ARHGEF3: variants seen among roughly 807,000 people sequenced by gnomAD.
ARHGEF3 encodes Rho guanine nucleotide exchange factor 3.
ARHGEF3 carries 28 observed loss-of-function variants against 63.2 expected under a neutral mutation model. That is an observed-to-expected ratio of 0.44 (90% CI 0.33 to 0.61). The LOEUF (loss-of-function observed/expected upper bound fraction) is 0.61. ARHGEF3 is among the 20% of genes least tolerant of loss of function. ARHGEF3 has a pLI of 0.03. For synonymous variants in ARHGEF3, 266 were observed against 254.2 expected, an observed-to-expected ratio of 1.05 and a Z score of -0.44; for missense variants, 533 against 659.3, an observed-to-expected ratio of 0.81 and a Z score of 2.10.
intron 1 of ARHGEF3, among the ~76,000 whole-genome samples, chr3:57,042,063 C>T (rs1044445859): frequency 1.3e-5 from 2 of 152,170 alleles, no homozygotes; most frequent in African/African-American, 2.4e-5. Flanking sequence ...GACACAGCAG[C>T]GCACCTGGGC....
At chr3:56,778,976 T>C (rs1434646365) in intron 1 of ARHGEF3, among the ~76,000 whole-genome samples, 1 of 152,170 alleles carries the variant, frequency 6.6e-6, no homozygotes, top group Non-Finnish European at 1.5e-5. Context: ...AGTCATGTCC[T>C]GGTCAGTGGT....
intron 4 of ARHGEF3, among the ~76,000 whole-genome samples, chr3:56,827,944 CAAAAAA>C (rs11462683): frequency 1.2e-4 from 4 of 33,818 alleles, no homozygotes; most frequent in East Asian, 1.4e-3. Context: ...GATTCTGTCT[CAAAAAA>C]AAAAAAAAAA....
intron 3 of ARHGEF3, among the ~76,000 whole-genome samples, chr3:56,882,803 C>T (rs2040814641): frequency 6.6e-6 from 1 of 152,146 alleles, no homozygotes; most frequent in African/African-American, 2.4e-5. Flanking sequence ...AGGCATGAGC[C>T]ACTGCGCCCA....
chr3:56,799,870 A>C (rs1018850678), intron 1 of ARHGEF3, among the ~76,000 whole-genome samples: 1 of 152,244 alleles, frequency 6.6e-6, no homozygotes, highest in Admixed American at 6.5e-5. Flanking sequence ...ACACTAAAAA[A>C]CAAAAACCCC....
At chr3:56,868,604 C>T (rs1263400949) in intron 4 of ARHGEF3, among the ~76,000 whole-genome samples, 1 of 152,186 alleles carries the variant, frequency 6.6e-6, no homozygotes, top group Non-Finnish European at 1.5e-5. Flanking sequence ...CTCAGGTGAT[C>T]TGCCTGCCTC....
chr3:56,944,496 T>C (rs556131528), intron 3 of ARHGEF3, among the ~76,000 whole-genome samples: 1 of 151,186 alleles, frequency 6.6e-6, no homozygotes, highest in South Asian at 2.1e-4. Flanking sequence ...TGTGACTGAA[T>C]TGCTGCAGTC....
intron 4 of ARHGEF3, among the ~76,000 whole-genome samples, chr3:56,818,878 G>T (rs775656711): frequency 1.3e-5 from 2 of 152,052 alleles, no homozygotes; most frequent in Non-Finnish European, 2.9e-5. Flanking sequence ...AGGATAAAGT[G>T]CTCCCACAAG....
At chr3:56,748,815 CTG>C (rs2034559200) in intron 6 of ARHGEF3, among the ~76,000 whole-genome samples, 1 of 152,170 alleles carries the variant, frequency 6.6e-6, no homozygotes, top group South Asian at 2.1e-4. Flanking sequence ...AGCAACCACT[CTG>C]TTTAAGGTCT....
intron 2 of ARHGEF3, among the ~76,000 whole-genome samples, chr3:56,759,460 C>T (rs2035295848): frequency 1.3e-5 from 2 of 151,608 alleles, no homozygotes; most frequent in East Asian, 2.0e-4. Flanking sequence ...TGAGCCTCCG[C>T]GCCTGGCCGA....
At chr3:56,855,610 G>C (rs1386089281) in intron 4 of ARHGEF3, among the ~76,000 whole-genome samples, 1 of 151,928 alleles carries the variant, frequency 6.6e-6, no homozygotes, top group Non-Finnish European at 1.5e-5. Context: ...TTGAACCTGG[G>C]GGGCAGAGGT....
chr3:56,768,052 C>T (rs1395248610), intron 2 of ARHGEF3, among the ~76,000 whole-genome samples: 1 of 151,266 alleles, frequency 6.6e-6, no homozygotes, highest in Non-Finnish European at 1.5e-5. Context: ...CCAGCCCCAG[C>T]CTCAATATAT....
At chr3:57,038,488 G>C (rs1704051007) in intron 1 of ARHGEF3, among the ~76,000 whole-genome samples, 1 of 152,138 alleles carries the variant, frequency 6.6e-6, no homozygotes, top group Non-Finnish European at 1.5e-5. Flanking sequence ...TGTTGCCCAG[G>C]CTGGAGTGCA....
chr3:56,785,428 A>G (rs1406761848), intron 1 of ARHGEF3, among the ~76,000 whole-genome samples: 1 of 152,194 alleles, frequency 6.6e-6, no homozygotes, highest in African/African-American at 2.4e-5. Context: ...ACACTGCTGA[A>G]TTATGGGCTA....
intron 4 of ARHGEF3, among the ~76,000 whole-genome samples, chr3:56,808,546 T>C (rs2037949043): frequency 6.6e-6 from 1 of 152,156 alleles, no homozygotes; most frequent in Non-Finnish European, 1.5e-5. Context: ...GCCATAATCA[T>C]GCCAGTGCAC....
At chr3:56,825,643 C>T (rs528773289) in intron 4 of ARHGEF3, among the ~76,000 whole-genome samples, 6 of 152,184 alleles carry the variant, frequency 3.9e-5, no homozygotes, top group Non-Finnish European at 8.8e-5. Flanking sequence ...GACAGCAACT[C>T]GGTGAGGCTT....
intron 3 of ARHGEF3, among the ~76,000 whole-genome samples, chr3:56,904,145 T>C (rs1043134624): frequency 6.6e-6 from 1 of 152,164 alleles, no homozygotes; most frequent in Admixed American, 6.5e-5. Context: ...TCCTCCCACC[T>C]CAGCCTCCCA....
chr3:56,934,761 C>T (rs985255509), intron 3 of ARHGEF3, among the ~76,000 whole-genome samples: 5 of 152,264 alleles, frequency 3.3e-5, no homozygotes, highest in Admixed American at 2.0e-4. Context: ...ACTCCATGGG[C>T]TCCTGTGCGG....
At position 57,028,890 on chromosome 3, in the gene ARHGEF3, C is replaced by G. The variant is rs146998643; in HGVS notation, c.62+6198G>C. On this transcript the variant is annotated intron_variant, in intron 2 of 12. Coordinates refer to the ARHGEF3 transcript ENST00000338458. ...AGGATTAGCCATGCTCACTGGAGACCAAGGAGCTTTTTTAGTGACTTTGCA... is the reference window on the plus strand; with the variant it reads ...AGGATTAGCCATGCTCACTGGAGACGAAGGAGCTTTTTTAGTGACTTTGCA... Among the ~76,000 whole-genome samples, 77 of 151,252 alleles carry G rather than the reference C, an allele frequency of 5.1e-4. No individual in the cohort carries two copies. The East Asian group carries it at 0.013, about 26-fold the overall frequency.
intron 2 of ARHGEF3, among the ~76,000 whole-genome samples, chr3:56,997,471 T>C (rs1478064871): frequency 2.0e-5 from 3 of 152,100 alleles, no homozygotes; most frequent in Non-Finnish European, 4.4e-5. Context: ...CAGAAAGAGA[T>C]GCCAAAAGCA....
Sources: allele counts gnomAD v4.1 joint callset (sites outside exome capture counted in the v4.1 genomes callset), GRCh38; gene constraint gnomAD v4.1.1; transcripts MANE v1.5; gene names NCBI Gene and HGNC (gene_info 2026-07-23, HGNC 2026-07-21).